Variants in HSP90AA1 observed in about 807,000 individuals in gnomAD.
HSP90AA1 encodes the protein heat shock protein 90 alpha family class A member 1.
In HSP90AA1, 18 loss-of-function variants were observed where a neutral mutation model predicts 73.3. That is an observed-to-expected ratio of 0.25 (90% CI 0.17 to 0.36). The LOEUF is 0.36. Ranked by LOEUF, HSP90AA1 falls within the 10% of genes least tolerant of loss-of-function variation. The pLI is 1.00. For synonymous variants in HSP90AA1, 477 were observed against 296.9 expected (o/e 1.61, Z -6.24); for missense variants, 704 against 874.2 (o/e 0.81, Z 2.45).
upstream of HSP90AA1, among the ~76,000 whole-genome samples, chr14:102,087,630 G>A (rs1028332164): frequency 1.1e-4 from 17 of 152,182 alleles, no homozygotes; most frequent in Non-Finnish European, 1.8e-4. Context: ...GCGGGGCTCT[G>A]CCCTCTGGGG....
intron 1 of HSP90AA1, among the ~76,000 whole-genome samples, chr14:102,119,738 C>T (rs1478734477): frequency 6.6e-6 from 1 of 152,114 alleles, no homozygotes; most frequent in East Asian, 1.9e-4. Context: ...CCGCCCGCCT[C>T]AGCCTCCTAA....
At chr14:102,101,260 T>G (rs1030063677) in intron 2 of HSP90AA1, among the ~76,000 whole-genome samples, 1 of 152,212 alleles carries the variant, frequency 6.6e-6, no homozygotes, top group African/African-American at 2.4e-5. Context: ...TTCCACCCAC[T>G]GTGTCTAACC....
At chr14:102,102,716 A>G (rs1595669175) in intron 1 of HSP90AA1, among the ~76,000 whole-genome samples, 1 of 152,214 alleles carries the variant, frequency 6.6e-6, no homozygotes, top group African/African-American at 2.4e-5. Context: ...CTAACTTTAG[A>G]TAAAATATGG....
At chr14:102,139,737 C>T, upstream of HSP90AA1, 1 of 876,266 alleles carries the variant, frequency 1.1e-6, no homozygotes, top group Non-Finnish European at 1.7e-6. Context: ...CAGGTGAGCA[C>T]GCCTGCGCAG....
intron 6 of HSP90AA1, 21 bp downstream of exon 6, chr14:102,084,378 A>C (rs958160001): frequency 1.9e-5 from 31 of 1,606,294 alleles, no homozygotes; most frequent in Non-Finnish European, 2.6e-5. Flanking sequence ...GACAGTGATT[A>C]TTTTTCCTAT....
intron 1 of HSP90AA1, among the ~76,000 whole-genome samples, chr14:102,109,836 G>C (rs997658999): frequency 3.9e-5 from 6 of 152,192 alleles, no homozygotes; most frequent in Non-Finnish European, 8.8e-5. Flanking sequence ...GGATGGCTTT[G>C]ACCAAAATGC....
intron 1 of HSP90AA1, among the ~76,000 whole-genome samples, chr14:102,133,295 C>A (rs1028726200): frequency 6.6e-6 from 1 of 151,804 alleles, no homozygotes; most frequent in Non-Finnish European, 1.5e-5. Flanking sequence ...CAAAACAAAA[C>A]AATAGAAGAT....
chr14:102,081,633 TAAAG>T lies in HSP90AA1; in HGVS notation c.*75_*78del, dbSNP rs1227880643. 1.6e-5 allele frequency: 13 copies of T among 796,564 alleles called. No homozygotes were observed. Among genetic ancestry groups the T allele is most frequent in the East Asian group, 2.4e-5 (1 of 41,176 alleles). 49.3% of individuals were successfully genotyped at this position (796,564 alleles called of 1,614,324 possible). On this transcript the variant is annotated 3_prime_UTR_variant, in exon 11 of 11. Transcript: ENST00000216281. The stretch of plus-strand genomic sequence containing the variant: ...ACAGACTTTTTAATATTAACAAAAA[TAAAG>T]AAAAACATCCTTGAAAATATATTAT...
intron 1 of HSP90AA1, among the ~76,000 whole-genome samples, chr14:102,131,847 C>A (rs1310960172): frequency 6.6e-6 from 1 of 152,152 alleles, no homozygotes; most frequent in African/African-American, 2.4e-5. Context: ...CCTTTGTTTT[C>A]TCCCTGTAAG....
At chr14:102,089,363 C>T (rs185351429), upstream of HSP90AA1, among the ~76,000 whole-genome samples, 157 of 152,332 alleles carry the variant, frequency 1.0e-3, no homozygotes, top group Non-Finnish European at 1.6e-3. Context: ...AATGTCCCTT[C>T]TTCCTTCCAC....
chr14:102,124,103 T>G (rs1387773866), intron 1 of HSP90AA1, among the ~76,000 whole-genome samples: 1 of 152,118 alleles, frequency 6.6e-6, no homozygotes, highest in Non-Finnish European at 1.5e-5. Context: ...ATTTTGTTAT[T>G]GTGAATGTGA....
chr14:102,082,804 T>C, intron 9 of HSP90AA1: 1 of 543,078 alleles, frequency 1.8e-6, no homozygotes, highest in East Asian at 3.4e-5. Flanking sequence ...CTATTTTTAG[T>C]AGAGACTGAG....
chr14:102,113,479 C>G (rs1051440233), intron 1 of HSP90AA1, among the ~76,000 whole-genome samples: 11 of 152,094 alleles, frequency 7.2e-5, no homozygotes, highest in African/African-American at 2.7e-4. Flanking sequence ...CTCCCAGGTT[C>G]AAGCAATTCT....
At chr14:102,082,969 A>G (rs754786532) in intron 9 of HSP90AA1, 65 bp downstream of exon 9, 5 of 1,476,686 alleles carry the variant, frequency 3.4e-6, no homozygotes, top group Non-Finnish European at 4.7e-6. Flanking sequence ...AAAATGGGCT[A>G]TGTATGACTA....
At chr14:102,109,997 A>G (rs1423184746) in intron 1 of HSP90AA1, among the ~76,000 whole-genome samples, 1 of 152,034 alleles carries the variant, frequency 6.6e-6, no homozygotes. Flanking sequence ...GCAGTGGTGC[A>G]ATATCAGTTC....
Position 102,083,531 on chromosome 14 carries a change from A to G in HSP90AA1, c.1486+15T>C, listed in dbSNP as rs1169998036. ...TAAGAACGACGTGTATGACTGTAACATAGTGTTCTCTTACCTGTGATATAA... is the reference window on the plus strand; with the variant it reads ...TAAGAACGACGTGTATGACTGTAACGTAGTGTTCTCTTACCTGTGATATAA... On this transcript the variant is annotated intron_variant, in intron 8 of 10. Transcript: ENST00000216281. 6.2e-7 allele frequency: 1 copy of G among 1,611,864 alleles called. No homozygotes were observed. The highest frequency in any genetic ancestry group is 2.2e-5 in the East Asian group (1 of 44,884).
Position 102,083,456 on chromosome 14 carries a change from G to GT in HSP90AA1, c.1486+89dup, listed in dbSNP as rs1293831964. On this transcript the variant is annotated intron_variant, in intron 8 of 10. Coordinates refer to ENST00000216281, the MANE Select transcript of HSP90AA1 (RefSeq NM_005348.4). ...TATCTTGCCTAGATCAATACCAGTT[G>GT]TAACAGTGCTACCTGAGTAGAAAAC... 33 of 1,432,622 alleles carry GT rather than the reference G, an allele frequency of 2.3e-5. No homozygotes were observed. The Admixed American group carries it at 3.0e-4, about 13-fold the overall frequency. 88.7% of individuals were successfully genotyped at this position (1,432,622 alleles called of 1,614,324 possible).
At chr14:102,090,630 T>G (rs1261749509), upstream of HSP90AA1, among the ~76,000 whole-genome samples, 1 of 152,078 alleles carries the variant, frequency 6.6e-6, no homozygotes, top group Non-Finnish European at 1.5e-5. Context: ...TTTGTATTCT[T>G]TAAGTAGAGA....
chr14:102,122,517 G>A (rs1355709053), intron 1 of HSP90AA1, among the ~76,000 whole-genome samples: 1 of 151,930 alleles, frequency 6.6e-6, no homozygotes, highest in Non-Finnish European at 1.5e-5. Flanking sequence ...TCCTGATCTT[G>A]TGATCCACCT....
Sources: gnomAD v4.1 joint callset for allele counts (sites outside exome capture counted in the v4.1 genomes callset) on GRCh38, gnomAD v4.1.1 for gene constraint, MANE v1.5 for transcripts, NCBI Gene and HGNC (gene_info 2026-07-23, HGNC 2026-07-21) for gene names.